MAP2: variants seen among roughly 807,000 people sequenced by gnomAD.
The protein encoded by MAP2 is microtubule-associated protein 2.
MAP2 carries 14 observed loss-of-function variants against 137.6 expected under a neutral mutation model. The observed-to-expected ratio is 0.10, with a 90% CI of 0.07 to 0.16. MAP2 has a LOEUF of 0.16. Ranked by LOEUF, MAP2 falls within the 10% of genes least tolerant of loss-of-function variation. MAP2 has a pLI of 1.00. For synonymous variants in MAP2, 786 were observed against 782.3 expected (o/e 1.00, Z -0.08); for missense variants, 2,088 against 2,191.5 (o/e 0.95, Z 0.94).
intron 2 of MAP2, among the ~76,000 whole-genome samples, chr2:209,540,815 G>C (rs1224001710): frequency 2.0e-5 from 3 of 150,154 alleles, no homozygotes; most frequent in African/African-American, 7.6e-5. Flanking sequence ...ATTTGCTCTT[G>C]AGATCCTCAA....
chr2:209,707,067 C>G (rs1336979410), intron 12 of MAP2, among the ~76,000 whole-genome samples: 2 of 151,888 alleles, frequency 1.3e-5, no homozygotes, highest in Admixed American at 6.6e-5. Context: ...AATTAATAAC[C>G]CCAAGGATGT....
At chr2:209,484,429 C>G (rs563786665) in intron 1 of MAP2, among the ~76,000 whole-genome samples, 1 of 151,984 alleles carries the variant, frequency 6.6e-6, no homozygotes, top group Non-Finnish European at 1.5e-5. Context: ...CAGTGGCTCA[C>G]GCCCGTAATC....
chr2:209,716,414 G>C (rs531831078), intron 13 of MAP2, among the ~76,000 whole-genome samples: 33 of 152,318 alleles, frequency 2.2e-4, no homozygotes, highest in African/African-American at 7.7e-4. Flanking sequence ...AACTTTCCAT[G>C]TTTGTCTAAA....
At chr2:209,684,039 A>C (rs556828713) in intron 7 of MAP2, among the ~76,000 whole-genome samples, 5 of 152,302 alleles carry the variant, frequency 3.3e-5, no homozygotes, top group African/African-American at 4.8e-5. Context: ...TTTTGATGAA[A>C]AAAAAGGAAA....
chr2:209,549,644 CA>C (rs1222396386), intron 2 of MAP2, among the ~76,000 whole-genome samples: 10 of 152,252 alleles, frequency 6.6e-5, no homozygotes, highest in Admixed American at 3.9e-4. Flanking sequence ...CTTCTTGAAG[CA>C]TATTGTTTTC....
chr2:209,581,307 T>TA (rs2076362037), intron 3 of MAP2, among the ~76,000 whole-genome samples: 1 of 152,184 alleles, frequency 6.6e-6, no homozygotes, highest in African/African-American at 2.4e-5. Flanking sequence ...TTCTAGAGTG[T>TA]AGGCAGCATC....
intron 3 of MAP2, among the ~76,000 whole-genome samples, chr2:209,586,240 G>A (rs1022279297): frequency 3.3e-5 from 5 of 152,062 alleles, no homozygotes. Flanking sequence ...CCAAAGGCAG[G>A]GGCAGGTAGA....
intron 13 of MAP2, among the ~76,000 whole-genome samples, chr2:209,712,427 G>C (rs2065817031): frequency 6.6e-6 from 1 of 152,152 alleles, no homozygotes; most frequent in African/African-American, 2.4e-5. Context: ...CATCAGGCAA[G>C]TGTTAACCTG....
chr2:209,561,943 G>T (rs140642316), intron 2 of MAP2, among the ~76,000 whole-genome samples: 5 of 152,080 alleles, frequency 3.3e-5, no homozygotes, highest in Non-Finnish European at 7.4e-5. Flanking sequence ...ATAGTTCTCC[G>T]CAAGTAGCTA....
intron 13 of MAP2, among the ~76,000 whole-genome samples, chr2:209,724,671 C>T (rs534871376): frequency 1.3e-5 from 2 of 152,188 alleles, no homozygotes; most frequent in Non-Finnish European, 2.9e-5. Flanking sequence ...GAGCATAAAA[C>T]TGTCATTGTC....
intron 4 of MAP2, among the ~76,000 whole-genome samples, chr2:209,640,877 A>G (rs899009124): frequency 1.9e-5 from 1 of 52,942 alleles, no homozygotes; most frequent in Non-Finnish European, 4.4e-5. Flanking sequence ...TCAATTATCT[A>G]TTCTTTTTTT....
In MAP2 at chr2:209,732,072, T is replaced by A. The variant is rs540610944; in HGVS notation, c.*1675T>A. ...AGGCTAGATGGACACTTTTTAAAAA[T>A]TTTATCTGTTCTTTTTCTTGCTCAG... is the stretch of plus-strand genomic sequence containing the variant. On this transcript the variant is annotated 3_prime_UTR_variant, in exon 16 of 16. Coordinates refer to ENST00000682079, the MANE Select transcript of MAP2 (RefSeq NM_001375505.1). 3 of 152,332 alleles carry A rather than the reference T, an allele frequency of 2.0e-5. No individual in the cohort carries two copies. Among genetic ancestry groups the A allele is most frequent in the African/African-American group, 7.2e-5 (3 of 41,566 alleles). The allele number at this position is 152,332 out of a possible 1,614,324, so 9.4% of individuals were successfully genotyped here. A position where few individuals can be genotyped will look rare whatever the true frequency, so the allele number is the denominator to read the frequency against.
At chr2:209,607,838 G>A (rs1158430541) in intron 3 of MAP2, among the ~76,000 whole-genome samples, 1 of 152,158 alleles carries the variant, frequency 6.6e-6, no homozygotes, top group Non-Finnish European at 1.5e-5. Context: ...AATTCTGAAA[G>A]CCCCAGTCTT....
intron 4 of MAP2, among the ~76,000 whole-genome samples, chr2:209,642,906 C>T (rs952188643): frequency 2.0e-5 from 3 of 151,978 alleles, no homozygotes; most frequent in African/African-American, 7.2e-5. Context: ...CATTAAGGAC[C>T]AAAACAAAAG....
intron 7 of MAP2, among the ~76,000 whole-genome samples, chr2:209,689,641 G>A (rs977707970): frequency 6.6e-6 from 1 of 152,062 alleles, no homozygotes. Flanking sequence ...ATGGTTTGGG[G>A]GGTGGTTATT....
chr2:209,512,033 C>G (rs1323569083), intron 2 of MAP2, among the ~76,000 whole-genome samples: 1 of 152,064 alleles, frequency 6.6e-6, no homozygotes, highest in Non-Finnish European at 1.5e-5. Flanking sequence ...ACCTCTGATG[C>G]CCTCTATACT....
At chr2:209,505,889 T>C (rs1288244182) in intron 1 of MAP2, among the ~76,000 whole-genome samples, 1 of 151,944 alleles carries the variant, frequency 6.6e-6, no homozygotes, top group Non-Finnish European at 1.5e-5. Flanking sequence ...GGAGGACCGA[T>C]TGAGCCTGGG....
chr2:209,576,113 G>T (rs940650851), intron 2 of MAP2, among the ~76,000 whole-genome samples: 3 of 152,106 alleles, frequency 2.0e-5, no homozygotes, highest in Non-Finnish European at 4.4e-5. Context: ...ACTAAATTTG[G>T]GAGTATAGCT....
intron 1 of MAP2, among the ~76,000 whole-genome samples, chr2:209,435,990 T>TGA (rs1559159420): frequency 1.1e-5 from 1 of 87,980 alleles, no homozygotes. Flanking sequence ...ACAGTATATA[T>TGA]TATATACTAT....
Sources: gnomAD v4.1 joint callset for allele counts (sites outside exome capture counted in the v4.1 genomes callset) on GRCh38, gnomAD v4.1.1 for gene constraint, MANE v1.5 for transcripts, NCBI Gene and HGNC (gene_info 2026-07-23, HGNC 2026-07-21) for gene names.